Variants in GSTT4 observed in about 807,000 individuals in gnomAD.
The protein encoded by GSTT4 is glutathione S-transferase theta-4.
intron 1 of GSTT4, chr22:24,004,700 CTG>C (rs1476834688): frequency 1.9e-5 from 3 of 153,876 alleles, no homozygotes; most frequent in Admixed American, 6.5e-5. Flanking sequence ...GTCCCAGCTA[CTG>C]TTCCTTCCCC....
At chr22:23,989,747 G>C in the GSTT4 span, among the ~76,000 whole-genome samples, 1 of 150,684 alleles carries the variant, frequency 6.6e-6, no homozygotes, top group Non-Finnish European at 1.5e-5. Context: ...CCCACTGGGG[G>C]TTCCCAGGTC....
intron 2 of GSTT4, among the ~76,000 whole-genome samples, chr22:24,002,300 G>T (rs1466595842): frequency 6.6e-6 from 1 of 152,268 alleles, no homozygotes; most frequent in Non-Finnish European, 1.5e-5. Context: ...CTATCGGGAA[G>T]GTTGTGGTGT....
At chr22:24,002,012 A>G (rs2034240753) in intron 2 of GSTT4, among the ~76,000 whole-genome samples, 1 of 152,218 alleles carries the variant, frequency 6.6e-6, no homozygotes, top group Non-Finnish European at 1.5e-5. Flanking sequence ...AAAGAAAAAC[A>G]CATGCTGAAA....
At chr22:23,991,781 GC>G in the GSTT4 span, among the ~76,000 whole-genome samples, 4 of 141,634 alleles carry the variant, frequency 2.8e-5, no homozygotes. Flanking sequence ...GAGGCTGGGC[GC>G]GGTGGCTCAC....
chr22:24,003,305 G>A (rs561801928), intron 2 of GSTT4, among the ~76,000 whole-genome samples: 5 of 148,460 alleles, frequency 3.4e-5, no homozygotes, highest in Admixed American at 2.0e-4. Flanking sequence ...TCTGCCTCCT[G>A]GCTCAAGCAG....
At chr22:24,003,474 C>T (rs555500989) in intron 2 of GSTT4, among the ~76,000 whole-genome samples, 1 of 152,386 alleles carries the variant, frequency 6.6e-6, no homozygotes, top group East Asian at 1.9e-4. Flanking sequence ...TTCAGCCTCT[C>T]AAAGTGCTAG....
downstream of GSTT4, among the ~76,000 whole-genome samples, chr22:23,993,647 C>A (rs2034088701): frequency 6.6e-6 from 1 of 152,148 alleles, no homozygotes; most frequent in African/African-American, 2.4e-5. Context: ...TGTGTCTGAC[C>A]CTGAGGACCC....
At chr22:23,997,923 C>T (rs2034133799), downstream of GSTT4, among the ~76,000 whole-genome samples, 1 of 152,182 alleles carries the variant, frequency 6.6e-6, no homozygotes, top group Non-Finnish European at 1.5e-5. Flanking sequence ...TTCTTTAACC[C>T]ATTTGTTGTT....
chr22:23,996,316 G>T (rs1231790611), downstream of GSTT4, among the ~76,000 whole-genome samples: 1 of 133,108 alleles, frequency 7.5e-6, no homozygotes. Flanking sequence ...GAATAGAGAT[G>T]GTTTTACTTC....
downstream of GSTT4, among the ~76,000 whole-genome samples, chr22:23,994,488 C>T (rs2034097240): frequency 6.6e-6 from 1 of 151,042 alleles, no homozygotes. Context: ...GCTGCCTATT[C>T]TGGAGATTTC....
chr22:24,003,957 A>T (rs1312594035), intron 1 of GSTT4, 110 bp from the exon 2 acceptor site: 5 of 153,314 alleles, frequency 3.3e-5, no homozygotes, highest in Admixed American at 6.5e-5. Context: ...GAGGGAACTG[A>T]GGCCCGGAGG....
chr22:23,990,775 C>T, the GSTT4 span, among the ~76,000 whole-genome samples: 1 of 98,562 alleles, frequency 1.0e-5, no homozygotes, highest in Non-Finnish European at 2.3e-5. Context: ...TATTCTTGCC[C>T]CACTCCATTT....
the GSTT4 span, among the ~76,000 whole-genome samples, chr22:23,990,333 G>T: frequency 7.1e-5 from 10 of 140,730 alleles, no homozygotes; most frequent in African/African-American, 1.8e-4. Context: ...CCCAGGGCCA[G>T]ACATGGTGGT....
At chr22:24,000,749 T>C (rs1462192854) in intron 3 of GSTT4, among the ~76,000 whole-genome samples, 3 of 133,154 alleles carry the variant, frequency 2.3e-5, no homozygotes, top group Admixed American at 7.3e-5. Flanking sequence ...TTAGTAGAGA[T>C]GGTGTTTCAC....
chr22:23,993,796 A>T, downstream of GSTT4, among the ~76,000 whole-genome samples: 1 of 152,178 alleles, frequency 6.6e-6, no homozygotes, highest in Non-Finnish European at 1.5e-5. Flanking sequence ...CACGTGATAT[A>T]CAACATGGCT....
At chr22:23,992,965 G>A in the GSTT4 span, among the ~76,000 whole-genome samples, 1 of 127,816 alleles carries the variant, frequency 7.8e-6, no homozygotes, top group African/African-American at 2.9e-5. Context: ...TAGAGACGGG[G>A]TCGCACTTTG....
chr22:24,003,317 C>G (rs550754153), intron 2 of GSTT4, among the ~76,000 whole-genome samples: 1 of 151,996 alleles, frequency 6.6e-6, no homozygotes, highest in African/African-American at 2.4e-5. Flanking sequence ...CTCAAGCAGT[C>G]TTTCCGCCTC....
downstream of GSTT4, among the ~76,000 whole-genome samples, chr22:23,993,522 G>A (rs2146220945): frequency 6.6e-6 from 1 of 152,344 alleles, no homozygotes; most frequent in Middle Eastern, 3.4e-3. Context: ...TAAACTTTGA[G>A]GAGCTTTGAT....
chr22:23,996,758 A>G (rs2034120540), downstream of GSTT4, among the ~76,000 whole-genome samples: 1 of 152,214 alleles, frequency 6.6e-6, no homozygotes, highest in Non-Finnish European at 1.5e-5. Flanking sequence ...GGATTTTTAC[A>G]TCTATATTTA....
Sources: allele counts gnomAD v4.1 joint callset (sites outside exome capture counted in the v4.1 genomes callset), GRCh38; gene constraint gnomAD v4.1.1; transcripts MANE v1.5; gene names NCBI Gene and HGNC (gene_info 2026-07-23, HGNC 2026-07-21).